CHN2: variants seen among roughly 807,000 people sequenced by gnomAD.
CHN2 encodes chimerin 2, also known as beta-chimaerin.
A neutral mutation model predicts 56.3 loss-of-function variants in CHN2; 35 were observed. The ratio of observed to expected loss-of-function variants is 0.62; its 90% confidence interval spans 0.47 to 0.82. The LOEUF (loss-of-function observed/expected upper bound fraction) is 0.82, where lower values mean the gene tolerates loss of function less well. Among genes scored for constraint, CHN2 ranks in the 40% least tolerant of loss-of-function variants. The probability of loss-of-function intolerance (pLI) is 0.00; values close to 1 mark genes in which losing one functional copy is unlikely to be tolerated. For synonymous variants in CHN2, 210 were observed against 212.8 expected, an observed-to-expected ratio of 0.99 and a Z score of 0.12; for missense variants, 491 against 580.5, an observed-to-expected ratio of 0.85 and a Z score of 1.58.
chr7:29,178,800 TA>T (rs1416332277), intron 2 of CHN2, among the ~76,000 whole-genome samples: 1 of 152,176 alleles, frequency 6.6e-6, no homozygotes, highest in Non-Finnish European at 1.5e-5. Flanking sequence ...AAAAATGACT[TA>T]AATCCCTATG....
In CHN2 at chr7:29,215,891, G is replaced by A. The variant is rs572034096; in HGVS notation, c.49+20901G>A. Among the ~76,000 whole-genome samples the A allele has an allele frequency of 2.1e-3, 318 of 152,104 alleles. 4 individuals are homozygous for A. The highest frequency in any genetic ancestry group is 3.4e-3 in the Admixed American group (52 of 15,264). ...TAAGTGACTGATTCTGAATATGAAC[G>A]CGTTCTTTTAAAGAGTGGAAATGAT... On this transcript the variant is annotated intron_variant, in intron 1 of 12. Coordinates refer to ENST00000222792, the MANE Select transcript of CHN2 (RefSeq NM_004067.4).
intron 1 of CHN2, among the ~76,000 whole-genome samples, chr7:29,297,577 G>A (rs1408583776): frequency 6.6e-6 from 1 of 152,176 alleles, no homozygotes; most frequent in African/African-American, 2.4e-5. Context: ...ACGAAACAAG[G>A]TGGGGGGAGG....
At chr7:29,269,644 G>A (rs1790452816) in intron 1 of CHN2, among the ~76,000 whole-genome samples, 1 of 152,126 alleles carries the variant, frequency 6.6e-6, no homozygotes, top group Admixed American at 6.6e-5. Context: ...TTCCATAGTG[G>A]CTGTACTAAT....
intron 8 of CHN2, among the ~76,000 whole-genome samples, chr7:29,498,758 CT>C (rs138784356): frequency 2.8e-3 from 282 of 100,028 alleles, no homozygotes; most frequent in African/African-American, 7.6e-3. Context: ...ACTATGCTGC[CT>C]TTTTTTTTTT....
chr7:29,213,108 AG>A, intron 1 of CHN2: 1 of 1,588,036 alleles, frequency 6.3e-7, no homozygotes, highest in Middle Eastern at 2.3e-4. Context: ...TGGAAGCTGC[AG>A]GGGAAGGCCT....
intron 3 of CHN2, among the ~76,000 whole-genome samples, chr7:29,382,698 C>A (rs1366267138): frequency 6.6e-6 from 1 of 152,120 alleles, no homozygotes; most frequent in African/African-American, 2.4e-5. Context: ...ATCGCCACGG[C>A]CCTAACTCAG....
intron 1 of CHN2, among the ~76,000 whole-genome samples, chr7:29,274,421 C>G (rs1356492944): frequency 6.6e-6 from 1 of 152,248 alleles, no homozygotes; most frequent in Non-Finnish European, 1.5e-5. Flanking sequence ...CCAAGGGCAG[C>G]TTAAATCTGC....
intron 1 of CHN2, among the ~76,000 whole-genome samples, chr7:29,246,636 C>G (rs1176219232): frequency 6.6e-6 from 1 of 152,104 alleles, no homozygotes; most frequent in Non-Finnish European, 1.5e-5. Context: ...GTGTCTTAGT[C>G]CATTCAGACT....
intron 2 of CHN2, among the ~76,000 whole-genome samples, chr7:29,150,904 C>A (rs150595943): frequency 6.6e-6 from 1 of 152,244 alleles, no homozygotes; most frequent in African/African-American, 2.4e-5. Context: ...AGGAACGAAG[C>A]CAGATGTGTC....
At chr7:29,402,919 A>G (rs1802332844) in intron 6 of CHN2, among the ~76,000 whole-genome samples, 1 of 121,084 alleles carries the variant, frequency 8.3e-6, no homozygotes, top group Non-Finnish European at 2.0e-5. Flanking sequence ...TAATAATCCA[A>G]TTAATAATCA....
At chr7:29,302,603 C>G (rs2128879065) in intron 1 of CHN2, among the ~76,000 whole-genome samples, 1 of 143,622 alleles carries the variant, frequency 7.0e-6, no homozygotes, top group South Asian at 2.2e-4. Context: ...GCTGGGATTA[C>G]AGATGTAAGC....
chr7:29,452,846 G>C (rs756318357), intron 6 of CHN2, among the ~76,000 whole-genome samples: 7 of 152,220 alleles, frequency 4.6e-5, no homozygotes, highest in Non-Finnish European at 1.0e-4. Context: ...GGTAGCAAGT[G>C]AGGAGAAATC....
chr7:29,369,971 C>T (rs751020171), intron 3 of CHN2, among the ~76,000 whole-genome samples: 11 of 152,186 alleles, frequency 7.2e-5, no homozygotes, highest in Admixed American at 1.3e-4. Context: ...ATTTCTGCCA[C>T]GAAACCTAAC....
Position 29,393,688 on chromosome 7 carries a change from A to T in CHN2, c.154A>T (p.Arg52Ter). 1 of 883,982 alleles carries T rather than the reference A, an allele frequency of 1.1e-6. No individual in the cohort carries two copies. The highest frequency in any genetic ancestry group is 1.7e-5 in the African/African-American group (1 of 57,578). The allele number at this position is 883,982 out of a possible 1,614,324, so 54.8% of individuals were successfully genotyped here. The change falls in exon 4 of 13, where the codon AGA (arginine) becomes TGA (stop). Residue 52 changes from arginine to a stop codon, truncating the protein, a stop_gained. Coordinates refer to ENST00000222792, the MANE Select transcript of CHN2 (RefSeq NM_004067.4). LOFTEE classifies it high-confidence loss of function. ...RIICPREVEN[R>*]PKYYGREFHG... is the part of the protein sequence containing the mutation. ...TTTCTTTTTAATATAGGTGGAAAAC[A>T]GACCAAAATATTATGGAAGAGAGTA...
intron 1 of CHN2, among the ~76,000 whole-genome samples, chr7:29,293,361 T>TCCCCCC (rs1792809841): frequency 2.0e-5 from 1 of 49,862 alleles, no homozygotes; most frequent in Non-Finnish European, 3.5e-5. Context: ...GGGCAGCTAA[T>TCCCCCC]GCCCCCCCCC....
intron 6 of CHN2, among the ~76,000 whole-genome samples, chr7:29,426,968 C>G (rs1445841257): frequency 2.0e-5 from 3 of 152,198 alleles, no homozygotes; most frequent in Non-Finnish European, 4.4e-5. Flanking sequence ...CACTCTTAAT[C>G]TCTCTGACTT....
intron 1 of CHN2, among the ~76,000 whole-genome samples, chr7:29,234,035 G>A (rs898100513): frequency 1.3e-5 from 2 of 150,008 alleles, no homozygotes; most frequent in African/African-American, 2.5e-5. Flanking sequence ...GGGTTTCACC[G>A]TTTTAGCCGG....
chr7:29,464,396 T>C (rs763449861), intron 6 of CHN2, among the ~76,000 whole-genome samples: 9 of 152,218 alleles, frequency 5.9e-5, no homozygotes, highest in Non-Finnish European at 1.2e-4. Context: ...ACCGAGCAAC[T>C]AATATTTTAA....
intron 1 of CHN2, among the ~76,000 whole-genome samples, chr7:29,292,433 T>C (rs954339685): frequency 3.3e-5 from 5 of 152,238 alleles, no homozygotes; most frequent in Non-Finnish European, 7.3e-5. Context: ...TTACAATCTA[T>C]TCTTTGATCT....
Sources: gnomAD v4.1 joint callset for allele counts (sites outside exome capture counted in the v4.1 genomes callset) on GRCh38, gnomAD v4.1.1 for gene constraint, MANE v1.5 for transcripts, NCBI Gene and HGNC (gene_info 2026-07-23, HGNC 2026-07-21) for gene names.